Variants in ARMC3 observed in about 807,000 individuals in gnomAD.
ARMC3 encodes the protein armadillo repeat containing 3.
Under a neutral mutation model 90.3 loss-of-function variants are expected in ARMC3, and 74 were observed. That is an observed-to-expected ratio of 0.82 (90% confidence interval 0.68 to 0.99). The LOEUF (loss-of-function observed/expected upper bound fraction) is 0.99. ARMC3 is among the 50% of genes least tolerant of loss of function. The pLI is 0.00. For missense variants in ARMC3, 958 were observed against 1,042.8 expected (o/e 0.92, Z 1.12); for synonymous variants, 334 against 361.8 (o/e 0.92, Z 0.87).
At chr10:22,997,724 T>C (rs1020880021) in intron 10 of ARMC3, among the ~76,000 whole-genome samples, 1 of 152,198 alleles carries the variant, frequency 6.6e-6, no homozygotes, top group African/African-American at 2.4e-5. Context: ...CTAGGAATAT[T>C]TTATCTTCAA....
chr10:22,959,760 A>G, intron 6 of ARMC3, 186 bp downstream of exon 6: 1 of 671,314 alleles, frequency 1.5e-6, no homozygotes, highest in Non-Finnish European at 2.6e-6. Context: ...CAATTTTCAC[A>G]TTTTGTAAGT....
chr10:22,941,631 A>T (rs1564340836), intron 2 of ARMC3, among the ~76,000 whole-genome samples: 1 of 152,202 alleles, frequency 6.6e-6, no homozygotes, highest in Non-Finnish European at 1.5e-5. Context: ...AGCACCTATT[A>T]GGGATTGGCC....
intron 16 of ARMC3, among the ~76,000 whole-genome samples, chr10:23,026,906 T>C (rs1225609332): frequency 3.9e-5 from 6 of 152,188 alleles, no homozygotes; most frequent in African/African-American, 1.4e-4. Context: ...TTTGCACCTT[T>C]GTCAAAAATC....
intron 2 of ARMC3, among the ~76,000 whole-genome samples, chr10:22,937,860 G>A (rs1834172679): frequency 2.0e-5 from 3 of 152,196 alleles, no homozygotes; most frequent in Admixed American, 2.0e-4. Flanking sequence ...GATGGAGACA[G>A]AGAAACAGCA....
chr10:22,955,171 T>C (rs890543066), intron 3 of ARMC3: 5 of 152,278 alleles, frequency 3.3e-5, no homozygotes, highest in African/African-American at 1.2e-4. Context: ...ATTCAAATGC[T>C]AATCTCTTCC....
chr10:22,946,748 C>T (rs1483050848), intron 3 of ARMC3: 1 of 152,558 alleles, frequency 6.6e-6, no homozygotes, highest in African/African-American at 2.4e-5. Flanking sequence ...TAACTTCCGA[C>T]TCTTTGAGTG....
chr10:22,981,928 G>A (rs368484924), intron 10 of ARMC3, among the ~76,000 whole-genome samples: 7 of 152,290 alleles, frequency 4.6e-5, no homozygotes, highest in South Asian at 2.1e-4. Context: ...AAATGTGCAG[G>A]CCATTTGATT....
At position 22,963,701 on chromosome 10, in the gene ARMC3, C is replaced by A. The variant is rs192353963; in HGVS notation, c.732+1623C>A. On this transcript the variant is annotated intron_variant, in intron 7 of 18. Coordinates refer to ENST00000298032, the MANE Select transcript of ARMC3 (RefSeq NM_173081.5). ...GGTCAGGAGATCGAGACCGTCTTGCCCAACATGGTGAAACCCCGTCTCTAC... is the reference window on the plus strand; with the variant it reads ...GGTCAGGAGATCGAGACCGTCTTGCACAACATGGTGAAACCCCGTCTCTAC... 1.1e-3 allele frequency among the ~76,000 whole-genome samples: 165 copies of A among 151,720 alleles called. 1 individual carries two copies. In the East Asian group the frequency reaches 0.028, roughly 26 times the overall value.
chr10:22,958,940 C>A, intron 4 of ARMC3, 130 bp from the exon 5 acceptor site: 1 of 691,724 alleles, frequency 1.4e-6, no homozygotes, highest in Non-Finnish European at 2.5e-6. Flanking sequence ...CTAGGCTGGT[C>A]TCGAACTCCT....
In ARMC3 at chr10:22,989,680, A is replaced by G. The variant is rs577464056; in HGVS notation, c.1175+7980A>G. On this transcript the variant is annotated intron_variant, in intron 10 of 18. Transcript: ENST00000298032. ...AATGCCTTAAAAGTCCTCTGGAATT[A>G]ATAGATAAAATAAATGGGAAAAGTC... Among the ~76,000 whole-genome samples the G allele has an allele frequency of 2.6e-5, 4 of 152,328 alleles. No individual in the cohort carries two copies. The South Asian group carries it at 8.3e-4, about 32-fold the overall frequency.
intron 18 of ARMC3, among the ~76,000 whole-genome samples, chr10:23,033,714 T>C (rs974771975): frequency 4.6e-5 from 7 of 152,108 alleles, no homozygotes; most frequent in Admixed American, 2.6e-4. Flanking sequence ...AGGCAACAGA[T>C]GGGGAATGAA....
chr10:22,999,336 C>T (rs1837172119), intron 11 of ARMC3, among the ~76,000 whole-genome samples: 1 of 152,134 alleles, frequency 6.6e-6, no homozygotes, highest in African/African-American at 2.4e-5. Flanking sequence ...TTGCTTGAGG[C>T]CAGGAGTTCG....
intron 2 of ARMC3, among the ~76,000 whole-genome samples, chr10:22,939,274 C>T (rs1414597304): frequency 6.6e-6 from 1 of 152,168 alleles, no homozygotes; most frequent in Admixed American, 6.5e-5. Context: ...GACCAACATA[C>T]AGCAATAGCT....
Position 22,932,058 on chromosome 10 carries a change from T to G in ARMC3, c.48+14T>G, listed in dbSNP as rs1833952897. On this transcript the variant is annotated intron_variant, in intron 2 of 18. Transcript: ENST00000298032. ...CCTAAGGATGTGGTAAGTTTCTGAT[T>G]TGAATACTAGTAGCACTTTAACAAC... 4.4e-6 allele frequency: 7 copies of G among 1,591,212 alleles called. No individual in the cohort carries two copies. Among genetic ancestry groups the G allele is most frequent in the Non-Finnish European group, 6.0e-6 (7 of 1,169,300 alleles).
At chr10:22,933,757 C>G (rs989692416) in intron 2 of ARMC3, among the ~76,000 whole-genome samples, 1 of 152,044 alleles carries the variant, frequency 6.6e-6, no homozygotes, top group African/African-American at 2.4e-5. Flanking sequence ...TGGTGGCAGG[C>G]GCTGGTAGTC....
chr10:22,977,645 T>G (rs907934709), intron 8 of ARMC3, among the ~76,000 whole-genome samples: 1 of 152,200 alleles, frequency 6.6e-6, no homozygotes, highest in African/African-American at 2.4e-5. Flanking sequence ...TAAATTGTTT[T>G]CATCTTTGGC....
intron 7 of ARMC3, among the ~76,000 whole-genome samples, chr10:22,967,851 C>A (rs78289641): frequency 6.6e-6 from 1 of 152,192 alleles, no homozygotes; most frequent in Admixed American, 6.5e-5. Flanking sequence ...GGTAAAACCG[C>A]AGTTTTCCAT....
Position 22,930,106 on chromosome 10 carries a change from T to C in ARMC3, c.-1-1890T>C, listed in dbSNP as rs545256313. Among the ~76,000 whole-genome samples, 4 of 152,352 alleles carry C rather than the reference T, an allele frequency of 2.6e-5. No individual in the cohort carries two copies. The South Asian group carries it at 8.3e-4, about 32-fold the overall frequency. On this transcript the variant is annotated intron_variant, in intron 1 of 18. Transcript: ENST00000298032. ...AATCAAAGGCTGCTCTGTCTTGGAA[T>C]TGGTTATAGAGTGCTATAAACTCTC...
chr10:22,989,968 T>A (rs1836630667), intron 10 of ARMC3, among the ~76,000 whole-genome samples: 1 of 152,214 alleles, frequency 6.6e-6, no homozygotes, highest in South Asian at 2.1e-4. Flanking sequence ...ACAGTTTGAA[T>A]TTGATTAGCT....
Sources: allele counts gnomAD v4.1 joint callset (sites outside exome capture counted in the v4.1 genomes callset), GRCh38; gene constraint gnomAD v4.1.1; transcripts MANE v1.5; gene names NCBI Gene and HGNC (gene_info 2026-07-23, HGNC 2026-07-21).